GRIP1: variants seen among roughly 807,000 people sequenced by gnomAD.
GRIP1 encodes the protein glutamate receptor interacting protein 1.
GRIP1 carries 45 observed loss-of-function variants against 129.9 expected under a neutral mutation model. That is an observed-to-expected ratio of 0.35 (90% CI 0.27 to 0.44). The LOEUF is 0.44. Among genes scored for constraint, GRIP1 ranks in the 20% least tolerant of loss-of-function variants. GRIP1 has a pLI of 1.00. For synonymous variants in GRIP1, 530 were observed against 520.8 expected (o/e 1.02, Z -0.24); for missense variants, 1,196 against 1,396.8 (o/e 0.86, Z 2.29).
chr12:66,878,795 G>A (rs566285054), intron 1 of GRIP1, among the ~76,000 whole-genome samples: 7 of 152,088 alleles, frequency 4.6e-5, no homozygotes, highest in Non-Finnish European at 7.4e-5. Flanking sequence ...GAAGTATCGC[G>A]GAGAAAAATG....
intron 1 of GRIP1, among the ~76,000 whole-genome samples, chr12:66,906,302 G>C (rs1370757222): frequency 6.6e-6 from 1 of 151,652 alleles, no homozygotes; most frequent in South Asian, 2.1e-4. Context: ...GGGCATGGTG[G>C]ACACACTTGT....
intron 1 of GRIP1, among the ~76,000 whole-genome samples, chr12:66,944,596 G>C (rs547031441): frequency 6.6e-6 from 1 of 152,086 alleles, no homozygotes; most frequent in African/African-American, 2.4e-5. Context: ...GTGTGAGAAA[G>C]TCCTGCAGCC....
chr12:66,892,202 T>A (rs1248598968), intron 1 of GRIP1, among the ~76,000 whole-genome samples: 3 of 151,946 alleles, frequency 2.0e-5, no homozygotes, highest in African/African-American at 7.3e-5. Context: ...GCTCTTAAAG[T>A]TGTCCCATTG....
chr12:66,772,298 A>G (rs1467938980), intron 1 of GRIP1, among the ~76,000 whole-genome samples: 1 of 152,272 alleles, frequency 6.6e-6, no homozygotes, highest in Non-Finnish European at 1.5e-5. Flanking sequence ...AGGTGTGTTT[A>G]GATCTTAAAT....
chr12:66,963,438 T>A (rs962827581), intron 1 of GRIP1, among the ~76,000 whole-genome samples: 1 of 152,100 alleles, frequency 6.6e-6, no homozygotes, highest in African/African-American at 2.4e-5. Context: ...TCACAACATA[T>A]CTATAATAAA....
chr12:66,516,042 C>T (rs1003228680), intron 6 of GRIP1, among the ~76,000 whole-genome samples: 5 of 152,104 alleles, frequency 3.3e-5, no homozygotes, highest in African/African-American at 1.2e-4. Flanking sequence ...AAGAAGGGCA[C>T]ATTTTCCCTT....
chr12:66,478,003 G>A (rs2138512837), intron 7 of GRIP1, among the ~76,000 whole-genome samples: 1 of 152,274 alleles, frequency 6.6e-6, no homozygotes, highest in Non-Finnish European at 1.5e-5. Flanking sequence ...AAAAGCAATG[G>A]CAACAAAAGC....
intron 7 of GRIP1, among the ~76,000 whole-genome samples, chr12:66,509,528 C>CCCTTAGA: frequency 6.6e-6 from 1 of 152,164 alleles, no homozygotes; most frequent in South Asian, 2.1e-4. Flanking sequence ...GATGTTCATG[C>CCCTTAGA]TTTCCAAAGA....
intron 1 of GRIP1, among the ~76,000 whole-genome samples, chr12:66,609,786 T>G (rs2064709748): frequency 1.3e-5 from 2 of 152,192 alleles, no homozygotes; most frequent in South Asian, 4.1e-4. Context: ...TTGCAGTAAA[T>G]GAGTTACTGA....
intron 1 of GRIP1, among the ~76,000 whole-genome samples, chr12:66,905,602 G>A (rs12579830): frequency 0.26 from 39,518 of 152,060 alleles, 5,552 homozygotes; most frequent in East Asian, 0.45. Flanking sequence ...TATGAGCAAG[G>A]GGAAAATAAC....
At chr12:66,416,086 G>GA (rs916442431) in intron 15 of GRIP1, among the ~76,000 whole-genome samples, 38 of 144,686 alleles carry the variant, frequency 2.6e-4, no homozygotes, top group Middle Eastern at 3.5e-3. Context: ...AAAATTTGAA[G>GA]AAAAAAAAAA....
chr12:66,586,215 A>AT (rs915021837), intron 2 of GRIP1, among the ~76,000 whole-genome samples: 8 of 152,034 alleles, frequency 5.3e-5, no homozygotes, highest in African/African-American at 1.9e-4. Context: ...CACCGAATCT[A>AT]TTTTTGTCAG....
chr12:66,580,961 T>C (rs2063352161), intron 2 of GRIP1, among the ~76,000 whole-genome samples: 1 of 152,264 alleles, frequency 6.6e-6, no homozygotes, highest in African/African-American at 2.4e-5. Flanking sequence ...ATACATTTTT[T>C]TCAGCACCAC....
chr12:66,817,259 G>A (rs889239924), intron 1 of GRIP1, among the ~76,000 whole-genome samples: 20 of 145,334 alleles, frequency 1.4e-4, no homozygotes, highest in African/African-American at 5.0e-4. Context: ...TATTTCCCAC[G>A]GACTATTTCA....
At chr12:66,490,775 AC>A (rs746630224) in intron 7 of GRIP1, among the ~76,000 whole-genome samples, 1 of 152,192 alleles carries the variant, frequency 6.6e-6, no homozygotes, top group Non-Finnish European at 1.5e-5. Flanking sequence ...TAAGAAAAAA[AC>A]AATCCCATTA....
chr12:66,778,320 T>C (rs1286124297), intron 1 of GRIP1, among the ~76,000 whole-genome samples: 1 of 152,038 alleles, frequency 6.6e-6, no homozygotes, highest in Non-Finnish European at 1.5e-5. Flanking sequence ...GACTCTGAAG[T>C]TAGATAGATA....
intron 1 of GRIP1, among the ~76,000 whole-genome samples, chr12:66,664,166 T>C (rs1294069472): frequency 6.6e-6 from 1 of 152,130 alleles, no homozygotes; most frequent in African/African-American, 2.4e-5. Context: ...GGAGTAACTA[T>C]TCACATCTAG....
intron 19 of GRIP1, among the ~76,000 whole-genome samples, chr12:66,383,020 G>T (rs1197339468): frequency 6.6e-6 from 1 of 152,098 alleles, no homozygotes; most frequent in Non-Finnish European, 1.5e-5. Flanking sequence ...GTACATGGTG[G>T]GCACAGTGGC....
rs555131465 is a variant in GRIP1 at position 66,892,626 on chromosome 12, G to T, written c.58+176424C>A. On this transcript the variant is annotated intron_variant, in intron 1 of 1. Coordinates refer to the GRIP1 transcript ENST00000643019. ...TATATACACATTTTTGCTATGAAAT[G>T]TTATCACACATATGGATTTGTGCAA... Among the ~76,000 whole-genome samples the T allele has an allele frequency of 1.2e-4, 19 of 152,006 alleles. No homozygotes were observed. In the South Asian group the frequency reaches 4.0e-3, roughly 32 times the overall value.
Sources: gnomAD v4.1 joint callset for allele counts (sites outside exome capture counted in the v4.1 genomes callset) on GRCh38, gnomAD v4.1.1 for gene constraint, MANE v1.5 for transcripts, NCBI Gene and HGNC (gene_info 2026-07-23, HGNC 2026-07-21) for gene names.